SCGN: variants seen among roughly 807,000 people sequenced by gnomAD.
The protein encoded by SCGN is secretagogin, EF-hand calcium binding protein.
Under a neutral mutation model 39.7 loss-of-function variants are expected in SCGN, and 30 were observed. That is an observed-to-expected ratio of 0.76 (90% CI 0.57 to 1.03). SCGN has a LOEUF of 1.03. Among genes scored for constraint, SCGN ranks in the 50% least tolerant of loss-of-function variants. The pLI is 0.00. For missense variants in SCGN, 353 were observed against 349.4 expected (o/e 1.01, Z -0.08); for synonymous variants, 106 against 114.1 (o/e 0.93, Z 0.45).
chr6:25,669,449 T>C (rs1163278219), intron 4 of SCGN, 62 bp from the exon 5 acceptor site: 2 of 1,343,824 alleles, frequency 1.5e-6, no homozygotes, highest in Non-Finnish European at 2.1e-6. Flanking sequence ...CTGTAGTAGA[T>C]ACCACATAAT....
chr6:25,653,699 C>A (rs1760175254), intron 2 of SCGN, among the ~76,000 whole-genome samples: 1 of 152,198 alleles, frequency 6.6e-6, no homozygotes, highest in Non-Finnish European at 1.5e-5. Flanking sequence ...GAGATCCTAA[C>A]TGTAGACTCA....
chr6:25,695,273 A>G (rs1273425564), intron 10 of SCGN, among the ~76,000 whole-genome samples: 1 of 152,202 alleles, frequency 6.6e-6, no homozygotes, highest in Non-Finnish European at 1.5e-5. Context: ...AGCACTGTAT[A>G]TACTTAACAT....
In SCGN at chr6:25,662,308, A is replaced by G. The variant is rs573934577; in HGVS notation, c.246+664A>G. Among the ~76,000 whole-genome samples, 33 of 152,332 alleles carry G rather than the reference A, an allele frequency of 2.2e-4. No individual in the cohort carries two copies. The South Asian group carries it at 3.7e-3, about 17-fold the overall frequency. ...GTAGTTAAGATGATGATAGGCATGAAACATTATCCCTATTTTGCTGATAAG... is the reference window on the plus strand; with the variant it reads ...GTAGTTAAGATGATGATAGGCATGAGACATTATCCCTATTTTGCTGATAAG... On this transcript the variant is annotated intron_variant, in intron 3 of 10. Transcript: ENST00000377961.
chr6:25,654,367 C>T (rs950229564), intron 2 of SCGN, among the ~76,000 whole-genome samples: 4 of 152,156 alleles, frequency 2.6e-5, no homozygotes, highest in Non-Finnish European at 4.4e-5. Context: ...GGCTGGCTTC[C>T]GCCTTCTTCA....
rs139065299 is a variant in SCGN at position 25,652,460 on chromosome 6, G to A, written c.57G>A (p.Gln19=). The A allele has an allele frequency of 1.2e-6, 2 of 1,614,094 alleles. No individual in the cohort carries two copies. The highest frequency in any genetic ancestry group is 2.2e-5 in the South Asian group (2 of 91,084). The change falls in exon 1 of 11, where the codon CAG becomes CAA. Residue 19 remains glutamine (Q), a synonymous_variant. Transcript: ENST00000377961. ...LGRLDAAGFW[Q]VWQRFDADEK... ...GCTTGGACGCCGCTGGCTTCTGGCA[G>A]GTCTGGCAGCGCTTTGATGCGGATG...
chr6:25,666,847 C>A (rs368792693), intron 4 of SCGN, among the ~76,000 whole-genome samples: 1 of 152,070 alleles, frequency 6.6e-6, no homozygotes, highest in Non-Finnish European at 1.5e-5. Flanking sequence ...ATTCTTTGTA[C>A]TTTTGTATTT....
intron 4 of SCGN, among the ~76,000 whole-genome samples, chr6:25,668,118 T>G (rs764706757): frequency 2.0e-5 from 3 of 152,136 alleles, no homozygotes; most frequent in Non-Finnish European, 4.4e-5. Context: ...CTGCAGAGTC[T>G]GAGCTCAGGA....
At chr6:25,688,170 T>C (rs1447047474) in intron 7 of SCGN, among the ~76,000 whole-genome samples, 1 of 152,246 alleles carries the variant, frequency 6.6e-6, no homozygotes, top group Non-Finnish European at 1.5e-5. Context: ...CCTGGTGCTC[T>C]TTATTGTTTC....
At chr6:25,669,649 C>G in intron 5 of SCGN, 82 bp downstream of exon 5, 1 of 1,147,560 alleles carries the variant, frequency 8.7e-7, no homozygotes, top group African/African-American at 1.5e-5. Flanking sequence ...TTTCTGTGGG[C>G]CCAAGAAAGA....
chr6:25,663,301 G>C lies in SCGN; in HGVS notation c.247-1642G>C, dbSNP rs974293715. The stretch of plus-strand genomic sequence containing the variant: ...TAGCAAAAAACAAGATGGGAAAAAG[G>C]CCACCCTTAGTCTCAAAGGGCAGTT... On this transcript the variant is annotated intron_variant, in intron 3 of 10. Coordinates refer to ENST00000377961, the MANE Select transcript of SCGN (RefSeq NM_006998.4). Among the ~76,000 whole-genome samples, 21 of 152,268 alleles carry C rather than the reference G, an allele frequency of 1.4e-4. No individual in the cohort carries two copies. In the East Asian group the frequency reaches 4.1e-3, roughly 29 times the overall value.
intron 10 of SCGN, among the ~76,000 whole-genome samples, chr6:25,697,930 T>A (rs1759858639): frequency 6.6e-6 from 1 of 152,238 alleles, no homozygotes; most frequent in Non-Finnish European, 1.5e-5. Context: ...GCAAGTTAAT[T>A]AACCTCTCTG....
intron 6 of SCGN, among the ~76,000 whole-genome samples, chr6:25,671,626 T>C (rs1172413199): frequency 6.6e-6 from 1 of 152,332 alleles, no homozygotes; most frequent in African/African-American, 2.4e-5. Context: ...TGAGTAAATA[T>C]GTGCTCAGCA....
At chr6:25,685,663 TATA>T (rs1417605474) in intron 7 of SCGN, among the ~76,000 whole-genome samples, 2 of 152,054 alleles carry the variant, frequency 1.3e-5, no homozygotes, top group East Asian at 3.8e-4. Flanking sequence ...TAATTATAAT[TATA>T]ATTATACAGA....
chr6:25,687,455 A>G (rs1270891484), intron 7 of SCGN, among the ~76,000 whole-genome samples: 1 of 152,160 alleles, frequency 6.6e-6, no homozygotes, highest in Non-Finnish European at 1.5e-5. Flanking sequence ...TGAAACGATT[A>G]GTATTCTGAA....
intron 9 of SCGN, 101 bp from the exon 10 acceptor site, chr6:25,690,955 G>T (rs1037909936): frequency 6.3e-6 from 5 of 794,134 alleles, no homozygotes; most frequent in Admixed American, 2.3e-5. Context: ...ATCTATTTGC[G>T]GCCACACAAG....
chr6:25,675,649 A>G (rs1021449427), intron 6 of SCGN, among the ~76,000 whole-genome samples: 1 of 152,224 alleles, frequency 6.6e-6, no homozygotes, highest in Admixed American at 6.5e-5. Flanking sequence ...AGAGGATGAT[A>G]TGAGTTTAAG....
rs79999623 is a variant in SCGN at position 25,701,630 on chromosome 6, G to T, written c.*295G>T. The T allele has an allele frequency of 9.0e-4, 220 of 243,440 alleles. 3 individuals are homozygous for T. The East Asian group carries it at 0.016, about 17-fold the overall frequency. The allele number at this position is 243,440 out of a possible 1,614,324, so 15.1% of individuals were successfully genotyped here. On this transcript the variant is annotated 3_prime_UTR_variant, in exon 11 of 11. Coordinates refer to ENST00000377961, the MANE Select transcript of SCGN (RefSeq NM_006998.4). Reference sequence around the variant, plus strand: ...CCTGTCCTTCCCCAGTCACCAGGGTGGGGGGGACAGGGGCAGCTGAGTGCA... The same window carrying T: ...CCTGTCCTTCCCCAGTCACCAGGGTTGGGGGGACAGGGGCAGCTGAGTGCA...
chr6:25,683,571 A>T (rs1759665309), intron 7 of SCGN, among the ~76,000 whole-genome samples: 1 of 152,234 alleles, frequency 6.6e-6, no homozygotes, highest in African/African-American at 2.4e-5. Context: ...CACAGACTGT[A>T]ACATATAAAG....
At chr6:25,653,241 G>A (rs1760165041) in intron 1 of SCGN, 141 bp from the exon 2 acceptor site, 1 of 623,256 alleles carries the variant, frequency 1.6e-6, no homozygotes. Context: ...AGAGGTAGGT[G>A]TTGGCACTTT....
Sources: allele counts gnomAD v4.1 joint callset (sites outside exome capture counted in the v4.1 genomes callset), GRCh38; gene constraint gnomAD v4.1.1; transcripts MANE v1.5; gene names NCBI Gene and HGNC (gene_info 2026-07-23, HGNC 2026-07-21).